NTRK1: variants seen among roughly 807,000 people sequenced by gnomAD.
NTRK1 encodes the protein neurotrophic receptor tyrosine kinase 1, also known as high affinity nerve growth factor receptor.
NTRK1 carries 62 observed loss-of-function variants against 86.8 expected under a neutral mutation model. The ratio of observed to expected loss-of-function variants is 0.71; its 90% CI spans 0.58 to 0.88. The LOEUF (loss-of-function observed/expected upper bound fraction) is 0.88, where lower values mean the gene tolerates loss of function less well. Ranked by LOEUF, NTRK1 falls within the 40% of genes least tolerant of loss-of-function variation. The pLI, the probability that NTRK1 is intolerant of heterozygous loss-of-function variation, is 0.00. For synonymous variants in NTRK1, 469 were observed against 456.6 expected (o/e 1.03, Z -0.35); for missense variants, 967 against 1,078.4 (o/e 0.90, Z 1.45).
chr1:156,841,507 C>T (rs770274884), intron 1 of NTRK1: 1 of 1,614,018 alleles, frequency 6.2e-7, no homozygotes, highest in Non-Finnish European at 8.5e-7. Flanking sequence ...TCACAATCTC[C>T]CAGAGTACCA....
rs1384026471 is a variant in NTRK1, at chr1:156,879,361, G to A, written c.2045G>A (p.Arg682His). 2 of 1,598,566 alleles carry A rather than the reference G, an allele frequency of 1.3e-6. No individual in the cohort carries two copies. The highest frequency in any genetic ancestry group is 1.7e-6 in the Non-Finnish European group (2 of 1,175,132). Residue 682 changes from arginine to histidine, a missense_variant and splice_region_variant, in exon 15 of 17, where the codon CGT becomes CAT. Around this residue, in one of 2 missense-constraint regions of NTRK1, gnomAD observed 637 missense variants for 776.5 expected, o/e 0.82. Coordinates refer to ENST00000524377, the MANE Select transcript of NTRK1 (RefSeq NM_002529.4). ...GATATCTACAGCACCGACTATTACC[G>A]TGTAAGGGTCCTTTGTCCCCAACGC... ...SRDIYSTDYYRVGGRTMLPIR... is the reference protein window; with the variant it reads ...SRDIYSTDYYHVGGRTMLPIR...
At chr1:156,841,423 C>T (rs1654776400) in intron 1 of NTRK1, 2 of 1,613,832 alleles carry the variant, frequency 1.2e-6, no homozygotes, top group South Asian at 2.2e-5. Flanking sequence ...CCAGCTCCTC[C>T]AGGACCCCGC....
chr1:156,858,368 G>T (rs144022215), upstream of NTRK1, among the ~76,000 whole-genome samples: 682 of 152,342 alleles, frequency 4.5e-3, 5 homozygotes, highest in Middle Eastern at 0.075. Flanking sequence ...ACACCTTTAT[G>T]TGGGGAACTA....
At chr1:156,855,176 T>TTATCTATCTATCTGTCTATC (rs1655363938) in intron 2 of NTRK1, among the ~76,000 whole-genome samples, 1 of 143,462 alleles carries the variant, frequency 7.0e-6, no homozygotes, top group African/African-American at 2.6e-5. Flanking sequence ...CCATCCAATT[T>TTATCTATCTATCTGTCTATC]TATCTATCTA....
At position 156,881,350 on chromosome 1, in the gene NTRK1, G is replaced by A. The variant is rs138742621; in HGVS notation, c.2206-107G>A. On this transcript the variant is annotated intron_variant, in intron 16 of 16. Coordinates refer to ENST00000524377, the MANE Select transcript of NTRK1 (RefSeq NM_002529.4). ...TTATTAGCAGCTAAGAAGCCCAGAC[G>A]AGTAGTGTGAGCTGCCTTGGGAGCC... 3.4e-4 allele frequency: 364 copies of A among 1,076,274 alleles called. 1 individual carries two copies. The East Asian group carries it at 8.9e-3, about 26-fold the overall frequency. 66.7% of individuals were successfully genotyped at this position (1,076,274 alleles called of 1,614,324 possible).
At chr1:156,841,886 C>T in intron 1 of NTRK1, 2 of 1,603,438 alleles carry the variant, frequency 1.2e-6, no homozygotes, top group Middle Eastern at 1.7e-4. Context: ...ATCTTCTCAT[C>T]CTCCAGAGTC....
At chr1:156,860,740 AG>A (rs1207298666), upstream of NTRK1, 658 of 997,504 alleles carry the variant, frequency 6.6e-4, no homozygotes, top group African/African-American at 3.0e-3. Flanking sequence ...GAGGGGGCAG[AG>A]GGGGGGGCGT....
In NTRK1 at chr1:156,821,382, T is replaced by C. The variant is rs376180844; in HGVS notation, c.-64+5544T>C. ...CAGCATTTTCCTAACAGATACTTAC[T>C]AAAGCTTGTAGTGAGTTAGTGGTGT... is the stretch of plus-strand genomic sequence containing the variant. On this transcript the variant is annotated intron_variant, in intron 1 of 16. Transcript: ENST00000392302. Among the ~76,000 whole-genome samples, 15 of 152,202 alleles carry C rather than the reference T, an allele frequency of 9.9e-5. No homozygotes were observed. The East Asian group carries it at 1.7e-3, about 18-fold the overall frequency.
intron 3 of NTRK1, among the ~76,000 whole-genome samples, chr1:156,866,673 G>A (rs1326018732): frequency 6.6e-6 from 1 of 152,132 alleles, no homozygotes; most frequent in Non-Finnish European, 1.5e-5. Context: ...GTCTGGAGAG[G>A]GGGTTAAGTG....
At position 156,840,755 on chromosome 1, in the gene NTRK1, C is replaced by CA. The variant is rs752527949; in HGVS notation, c.-63-1326_-63-1325insA. ...TTCCCTGCTCCTGTTCTCTGCCCCA[C>CA]CCTCGGCCATCCCTTGCCCTGAGTT... On this transcript the variant is annotated intron_variant, in intron 1 of 16. Coordinates refer to the NTRK1 transcript ENST00000392302. 1,330 of 782,444 alleles carry CA rather than the reference C, an allele frequency of 1.7e-3. 5 individuals are homozygous for CA. Among genetic ancestry groups the CA allele is most frequent in the Non-Finnish European group, 2.4e-3 (1,125 of 465,610 alleles). The allele number at this position is 782,444 out of a possible 1,614,324, so 48.5% of individuals were successfully genotyped here.
chr1:156,849,480 CT>C, intron 2 of NTRK1: 4 of 607,146 alleles, frequency 6.6e-6, no homozygotes, highest in Non-Finnish European at 1.0e-5. Flanking sequence ...GCCAGGGGAC[CT>C]TGCTCTGCGG....
At chr1:156,848,257 C>T (rs1296433114) in intron 2 of NTRK1, among the ~76,000 whole-genome samples, 1 of 152,170 alleles carries the variant, frequency 6.6e-6, no homozygotes, top group Non-Finnish European at 1.5e-5. Flanking sequence ...TTTTAATTCA[C>T]AGGAAATGCT....
chr1:156,867,954 A>G (rs1647269526), intron 4 of NTRK1, 150 bp from the exon 5 acceptor site: 1 of 871,162 alleles, frequency 1.1e-6, no homozygotes, highest in South Asian at 1.4e-5. Flanking sequence ...TCTTTGAATA[A>G]CATCCTGTTA....
chr1:156,833,529 C>G (rs966809018), intron 1 of NTRK1, among the ~76,000 whole-genome samples: 16 of 151,374 alleles, frequency 1.1e-4, no homozygotes, highest in Non-Finnish European at 1.3e-4. Flanking sequence ...TGCACTCCAG[C>G]CTGGGCGATA....
At chr1:156,843,480 C>G (rs1654877051) in intron 2 of NTRK1, 1 of 1,614,096 alleles carries the variant, frequency 6.2e-7, no homozygotes, top group South Asian at 1.1e-5. Flanking sequence ...GGTTCTGTTT[C>G]TGCAACGGGA....
intron 1 of NTRK1, among the ~76,000 whole-genome samples, chr1:156,821,484 T>A (rs1032980549): frequency 4.6e-5 from 7 of 151,660 alleles, no homozygotes; most frequent in African/African-American, 1.7e-4. Context: ...TGTGTGTGTG[T>A]GTGTGTGTGT....
At chr1:156,856,157 A>G (rs905556280), upstream of NTRK1, among the ~76,000 whole-genome samples, 1 of 152,152 alleles carries the variant, frequency 6.6e-6, no homozygotes, top group African/African-American at 2.4e-5. Flanking sequence ...ATATTAACAT[A>G]GATATTTATT....
At chr1:156,868,719 GAC>G (rs1647335873) in intron 6 of NTRK1, 72 bp downstream of exon 6, 1 of 1,532,434 alleles carries the variant, frequency 6.5e-7, no homozygotes, top group Admixed American at 2.0e-5. Flanking sequence ...GGGAAAGAGA[GAC>G]ACACTGTGGA....
At chr1:156,851,869 C>T (rs368597050) in intron 2 of NTRK1, 15 of 1,574,710 alleles carry the variant, frequency 9.5e-6, no homozygotes, top group Non-Finnish European at 1.1e-5. Context: ...AGGGTGCCCC[C>T]CACCCTCCCT....
Sources: allele counts gnomAD v4.1 joint callset (sites outside exome capture counted in the v4.1 genomes callset), GRCh38; gene constraint gnomAD v4.1.1; regional missense constraint gnomAD v4.1.1; transcripts MANE v1.5; gene names NCBI Gene and HGNC (gene_info 2026-07-23, HGNC 2026-07-21).